Variants in GALNTL6 observed in about 807,000 individuals in gnomAD.
The protein encoded by GALNTL6 is polypeptide N-acetylgalactosaminyltransferase like 6.
GALNTL6 carries 46 observed loss-of-function variants against 73.7 expected under a neutral mutation model. That is an observed-to-expected ratio of 0.62 (90% confidence interval 0.49 to 0.80). The LOEUF (loss-of-function observed/expected upper bound fraction) is 0.80, where lower values mean the gene tolerates loss of function less well. GALNTL6 is among the 30% of genes least tolerant of loss of function. GALNTL6 has a pLI of 0.00. For missense variants in GALNTL6, 604 were observed against 755.0 expected, an observed-to-expected ratio of 0.80 and a Z score of 2.34; for synonymous variants, 259 against 263.7, an observed-to-expected ratio of 0.98 and a Z score of 0.17.
intron 5 of GALNTL6, among the ~76,000 whole-genome samples, chr4:172,501,780 A>T (rs955286465): frequency 6.6e-6 from 1 of 152,106 alleles, no homozygotes; most frequent in African/African-American, 2.4e-5. Context: ...AAATTAAACT[A>T]TCTTCCCAAA....
chr4:173,036,657 G>A (rs1164010737), intron 12 of GALNTL6, among the ~76,000 whole-genome samples: 2 of 152,166 alleles, frequency 1.3e-5, no homozygotes, highest in Non-Finnish European at 2.9e-5. Flanking sequence ...AAAAGTGGGA[G>A]GAGTAAAGGG....
At chr4:172,384,580 C>G (rs1178785918) in intron 5 of GALNTL6, among the ~76,000 whole-genome samples, 3 of 151,282 alleles carry the variant, frequency 2.0e-5, no homozygotes, top group South Asian at 2.1e-4. Context: ...TTTTTTTCTA[C>G]TGTCTATTCA....
At chr4:172,111,543 C>T (rs574723945) in intron 2 of GALNTL6, among the ~76,000 whole-genome samples, 1 of 151,556 alleles carries the variant, frequency 6.6e-6, no homozygotes, top group South Asian at 2.1e-4. Flanking sequence ...AGCACTTTAC[C>T]CCTTCTTTTG....
At chr4:172,381,420 C>T (rs1743280584) in intron 5 of GALNTL6, among the ~76,000 whole-genome samples, 1 of 152,162 alleles carries the variant, frequency 6.6e-6, no homozygotes, top group Non-Finnish European at 1.5e-5. Flanking sequence ...AGAGCAGTCA[C>T]TCCCATTCCT....
intron 5 of GALNTL6, among the ~76,000 whole-genome samples, chr4:172,364,097 A>C (rs957216069): frequency 6.6e-6 from 1 of 152,134 alleles, no homozygotes; most frequent in Non-Finnish European, 1.5e-5. Context: ...CTGAGAAAAA[A>C]ATTTCAATAA....
chr4:171,951,128 A>G (rs1318897609), intron 2 of GALNTL6, among the ~76,000 whole-genome samples: 3 of 152,142 alleles, frequency 2.0e-5, no homozygotes, highest in East Asian at 3.9e-4. Context: ...TGTGTGTTGT[A>G]TATGACAGAT....
chr4:172,456,533 G>C (rs1732404389), intron 5 of GALNTL6, among the ~76,000 whole-genome samples: 1 of 151,704 alleles, frequency 6.6e-6, no homozygotes, highest in African/African-American at 2.4e-5. Flanking sequence ...GAAAAACACA[G>C]CACAAGAACT....
chr4:172,811,340 GAC>G (rs1401168998), intron 6 of GALNTL6, among the ~76,000 whole-genome samples: 3 of 152,174 alleles, frequency 2.0e-5, no homozygotes. Context: ...AGGAAAAGTT[GAC>G]AGTTACTTTA....
intron 2 of GALNTL6, among the ~76,000 whole-genome samples, chr4:172,207,032 T>C (rs1168916913): frequency 6.6e-6 from 1 of 151,418 alleles, no homozygotes; most frequent in Non-Finnish European, 1.5e-5. Flanking sequence ...TTAGCCAGGA[T>C]GATCTCAATC....
chr4:172,281,443 C>T (rs1235192185), intron 3 of GALNTL6, among the ~76,000 whole-genome samples: 2 of 152,216 alleles, frequency 1.3e-5, no homozygotes, highest in East Asian at 1.9e-4. Context: ...GCCTGTAATC[C>T]GAGCACTTTG....
chr4:171,827,524 CAAAT>C lies in GALNTL6; in HGVS notation c.138+12807_138+12810del, dbSNP rs1288255864. On this transcript the variant is annotated intron_variant, in intron 2 of 12. Coordinates refer to ENST00000506823, the MANE Select transcript of GALNTL6 (RefSeq NM_001034845.3). ...CACAAGCCTTCAGAATTTCAGTTATCAAATTTAGGTTGTTGACTCCCAGACTATT... is the reference window on the plus strand; with the variant it reads ...CACAAGCCTTCAGAATTTCAGTTATCTTAGGTTGTTGACTCCCAGACTATT... 3.3e-5 allele frequency among the ~76,000 whole-genome samples: 5 copies of C among 152,270 alleles called. No homozygotes were observed. In the East Asian group the frequency reaches 9.6e-4, roughly 29 times the overall value.
At chr4:172,947,527 T>C (rs1469388728) in intron 9 of GALNTL6, among the ~76,000 whole-genome samples, 1 of 152,142 alleles carries the variant, frequency 6.6e-6, no homozygotes, top group Non-Finnish European at 1.5e-5. Context: ...GAGTAAATGA[T>C]TACATGTATA....
chr4:172,965,618 T>TA (rs201329280), intron 10 of GALNTL6, among the ~76,000 whole-genome samples: 183 of 138,590 alleles, frequency 1.3e-3, no homozygotes, highest in Admixed American at 1.9e-3. Context: ...AAGTAAAAAT[T>TA]AAAAAAAAAA....
At chr4:172,970,014 C>G (rs985882062) in intron 10 of GALNTL6, among the ~76,000 whole-genome samples, 22 of 152,008 alleles carry the variant, frequency 1.4e-4, no homozygotes, top group African/African-American at 5.3e-4. Flanking sequence ...CTGTGATGTC[C>G]CCCAAGCCAC....
intron 5 of GALNTL6, among the ~76,000 whole-genome samples, chr4:172,708,818 A>G (rs533828137): frequency 2.6e-5 from 4 of 152,296 alleles, no homozygotes; most frequent in Non-Finnish European, 5.9e-5. Context: ...TGTTTGTGAA[A>G]AATCTTCATC....
At chr4:171,845,075 T>G (rs571584384) in intron 2 of GALNTL6, among the ~76,000 whole-genome samples, 5 of 152,338 alleles carry the variant, frequency 3.3e-5, no homozygotes, top group Admixed American at 3.3e-4. Flanking sequence ...ATTCAGTCAC[T>G]AACTGGTTTG....
chr4:172,874,220 A>G (rs1009684743), intron 7 of GALNTL6, among the ~76,000 whole-genome samples: 40 of 152,328 alleles, frequency 2.6e-4, no homozygotes, highest in African/African-American at 9.6e-4. Flanking sequence ...GCCATTTCAC[A>G]TCACATTTTG....
At chr4:172,878,703 C>CA (rs1409984817) in intron 7 of GALNTL6, among the ~76,000 whole-genome samples, 2 of 150,608 alleles carry the variant, frequency 1.3e-5, no homozygotes, top group South Asian at 2.1e-4. Flanking sequence ...AAAAAGAAGA[C>CA]AAAAAATGGG....
At position 172,368,368 on chromosome 4, in the gene GALNTL6, G is replaced by A. The variant is rs193126666; in HGVS notation, c.553+19679G>A. ...TGCACTCCAGCCTGGGCGACAGTGC[G>A]AGACTCCATCTCAAAACAAATAACA... On this transcript the variant is annotated intron_variant, in intron 5 of 12. Coordinates refer to ENST00000506823, the MANE Select transcript of GALNTL6 (RefSeq NM_001034845.3). Among the ~76,000 whole-genome samples the A allele has an allele frequency of 2.3e-4, 35 of 152,178 alleles. No individual in the cohort carries two copies. The East Asian group carries it at 2.3e-3, about 10-fold the overall frequency.
Sources: gnomAD v4.1 joint callset for allele counts (sites outside exome capture counted in the v4.1 genomes callset) on GRCh38, gnomAD v4.1.1 for gene constraint, MANE v1.5 for transcripts, NCBI Gene and HGNC (gene_info 2026-07-23, HGNC 2026-07-21) for gene names.